Variants in WDPCP observed in about 807,000 individuals in gnomAD.
WDPCP encodes WD repeat containing planar cell polarity effector, also known as WD repeat-containing and planar cell polarity effector protein fritz homolog.
Under a neutral mutation model 93.1 loss-of-function variants are expected in WDPCP, and 71 were observed. That is an observed-to-expected ratio of 0.76 (90% CI 0.63 to 0.93). WDPCP has a LOEUF of 0.93. WDPCP is among the 40% of genes least tolerant of loss of function. WDPCP has a pLI of 0.00. For missense variants in WDPCP, 844 were observed against 887.4 expected (o/e 0.95, Z 0.62); for synonymous variants, 315 against 315.0 (o/e 1.00, Z 0.00).
chr2:63,731,682 A>G (rs1471935942), intron 2 of WDPCP, among the ~76,000 whole-genome samples: 1 of 152,212 alleles, frequency 6.6e-6, no homozygotes, highest in African/African-American at 2.4e-5. Context: ...ATAATGTACA[A>G]TGTACTGTGC....
At chr2:63,126,227 C>T (rs1244155606) in intron 17 of WDPCP, among the ~76,000 whole-genome samples, 2 of 152,136 alleles carry the variant, frequency 1.3e-5, no homozygotes, top group Admixed American at 6.5e-5. Flanking sequence ...AGCCAATGCA[C>T]CTGGGCTGCA....
At chr2:63,606,051 C>T in intron 3 of WDPCP, 1 of 1,589,534 alleles carries the variant, frequency 6.3e-7, no homozygotes, top group Non-Finnish European at 8.6e-7. Context: ...GGAGCTATTT[C>T]CCTTCTTTGA....
rs941115166 is a variant in WDPCP, at chr2:63,436,847, T to C, written c.633+574A>G. On this transcript the variant is annotated intron_variant, in intron 8 of 17. Transcript: ENST00000272321. ...AAAATAAAAATTCTGCCTTAATAGA[T>C]GTAAAGCTCCTGATACAGGAAGGAA... Among the ~76,000 whole-genome samples the C allele has an allele frequency of 1.9e-4, 29 of 152,050 alleles. 1 individual carries two copies. Among genetic ancestry groups the C allele is most frequent in the Non-Finnish European group, 1.5e-5 (1 of 67,970 alleles).
chr2:63,739,765 TA>T (rs931476492), intron 2 of WDPCP, among the ~76,000 whole-genome samples: 4 of 152,086 alleles, frequency 2.6e-5, no homozygotes, highest in African/African-American at 9.7e-5. Flanking sequence ...TTATTAATAA[TA>T]GCCATTCTGA....
intron 6 of WDPCP, among the ~76,000 whole-genome samples, chr2:63,447,838 T>A (rs755185663): frequency 6.6e-5 from 10 of 152,092 alleles, no homozygotes; most frequent in Admixed American, 3.3e-4. Context: ...AATGTGTGTA[T>A]ACATACACAT....
chr2:63,522,447 G>GACAC (rs1190142205), intron 1 of WDPCP, among the ~76,000 whole-genome samples: 13 of 96,730 alleles, frequency 1.3e-4, no homozygotes, highest in South Asian at 6.7e-4. Context: ...AAGACAGACA[G>GACAC]ACAGACAGAC....
intron 3 of WDPCP, among the ~76,000 whole-genome samples, chr2:63,630,070 A>C (rs1243492674): frequency 6.6e-6 from 1 of 152,252 alleles, no homozygotes; most frequent in Non-Finnish European, 1.5e-5. Context: ...ACAAATGAAA[A>C]ATCAGAAAAG....
At chr2:63,285,478 T>C (rs1352181142) in intron 13 of WDPCP, among the ~76,000 whole-genome samples, 1 of 150,276 alleles carries the variant, frequency 6.7e-6, no homozygotes, top group Non-Finnish European at 1.5e-5. Flanking sequence ...CCAGAGATTA[T>C]TGTACTAGAT....
chr2:63,336,414 G>A (rs764446483), intron 12 of WDPCP, among the ~76,000 whole-genome samples: 6 of 152,280 alleles, frequency 3.9e-5, no homozygotes, highest in South Asian at 2.1e-4. Flanking sequence ...TGGTGAAAGC[G>A]AACATCCTTA....
chr2:63,236,012 A>G (rs1337783089), intron 14 of WDPCP, among the ~76,000 whole-genome samples: 1 of 152,038 alleles, frequency 6.6e-6, no homozygotes, highest in East Asian at 1.9e-4. Flanking sequence ...AGAGAAAGAA[A>G]TCAAAGGCAT....
Position 63,627,963 on chromosome 2 carries a change from C to T in WDPCP, n.488+22696G>A, listed in dbSNP as rs188706128. Among the ~76,000 whole-genome samples, 670 of 152,302 alleles carry T rather than the reference C, an allele frequency of 4.4e-3. 5 individuals carry two copies. The highest frequency in any genetic ancestry group is 6.7e-3 in the Admixed American group (103 of 15,310). On this transcript the variant is annotated intron_variant and non_coding_transcript_variant, in intron 3 of 4. Transcript: ENST00000467687. The stretch of plus-strand genomic sequence containing the variant: ...AGCTGTTTAACACTTGAGCCGTCCT[C>T]GGACGGCAAAACTAAAAGAGCGCAC...
chr2:63,526,879 A>G (rs1703376072), intron 1 of WDPCP, among the ~76,000 whole-genome samples: 1 of 152,206 alleles, frequency 6.6e-6, no homozygotes, highest in Admixed American at 6.5e-5. Context: ...TACATGAACT[A>G]GAATGCATGC....
chr2:63,633,920 G>C (rs962747819), intron 3 of WDPCP, among the ~76,000 whole-genome samples: 7 of 152,104 alleles, frequency 4.6e-5, no homozygotes, highest in African/African-American at 1.7e-4. Context: ...AAATTAGCCA[G>C]ATATGGTGGT....
upstream of WDPCP, chr2:63,589,429 C>T (rs1709108464): frequency 3.3e-6 from 5 of 1,522,618 alleles, no homozygotes; most frequent in African/African-American, 2.8e-5. Context: ...CCTTTTTCTC[C>T]TCATTTGCCC....
In WDPCP at chr2:63,439,747, G is replaced by C; in HGVS notation, c.499+10C>G. The C allele has an allele frequency of 6.2e-7, 1 of 1,608,696 alleles. No homozygotes were observed. The highest frequency in any genetic ancestry group is 2.2e-5 in the East Asian group (1 of 44,836). On this transcript the variant is annotated intron_variant, in intron 7 of 17. Coordinates refer to ENST00000272321, the MANE Select transcript of WDPCP (RefSeq NM_015910.7). ...ATGTAGGCAATTGATTTGCACATGGGGGTAATTACCATCACTGATGGTGTC... is the reference window on the plus strand; with the variant it reads ...ATGTAGGCAATTGATTTGCACATGGCGGTAATTACCATCACTGATGGTGTC...
chr2:63,561,244 C>T (rs920186567), intron 1 of WDPCP, among the ~76,000 whole-genome samples: 2 of 152,072 alleles, frequency 1.3e-5, no homozygotes, highest in Non-Finnish European at 2.9e-5. Flanking sequence ...TTTGGGAGGC[C>T]GAGGTAGGCG....
intron 15 of WDPCP, among the ~76,000 whole-genome samples, chr2:63,171,619 T>C (rs1673395675): frequency 6.6e-6 from 1 of 152,214 alleles, no homozygotes; most frequent in Non-Finnish European, 1.5e-5. Flanking sequence ...GGAAAACAAT[T>C]TGGCAGTTTC....
chr2:63,553,026 T>C (rs763409206), intron 1 of WDPCP, among the ~76,000 whole-genome samples: 28 of 152,274 alleles, frequency 1.8e-4, no homozygotes, highest in South Asian at 4.1e-4. Flanking sequence ...AAATTTAACC[T>C]CTCTGGGCCT....
At chr2:63,588,843 C>A, upstream of WDPCP, 1 of 644,274 alleles carries the variant, frequency 1.6e-6, no homozygotes, top group Non-Finnish European at 2.7e-6. Context: ...AAGTGTAGTT[C>A]AACACTTGAA....
Sources: allele counts gnomAD v4.1 joint callset (sites outside exome capture counted in the v4.1 genomes callset), GRCh38; gene constraint gnomAD v4.1.1; transcripts MANE v1.5; gene names NCBI Gene and HGNC (gene_info 2026-07-23, HGNC 2026-07-21).